MSH3: variants seen among roughly 807,000 people sequenced by gnomAD.
MSH3 encodes mutS homolog 3, also known as DNA mismatch repair protein Msh3.
Under a neutral mutation model 123.3 loss-of-function variants are expected in MSH3, and 106 were observed. The observed-to-expected ratio is 0.86, with a 90% CI of 0.73 to 1.01. The LOEUF (loss-of-function observed/expected upper bound fraction) is 1.01. Among genes scored for constraint, MSH3 ranks in the 50% least tolerant of loss-of-function variants. The probability of loss-of-function intolerance (pLI) is 0.00; values close to 1 mark genes in which losing one functional copy is unlikely to be tolerated. For missense variants in MSH3, 1,459 were observed against 1,347.6 expected, an observed-to-expected ratio of 1.08 and a Z score of -1.29; for synonymous variants, 515 against 481.4, an observed-to-expected ratio of 1.07 and a Z score of -0.91.
At chr5:80,875,449 C>T (rs1386756494) in intron 23 of MSH3, among the ~76,000 whole-genome samples, 1 of 152,200 alleles carries the variant, frequency 6.6e-6, no homozygotes, top group Non-Finnish European at 1.5e-5. Flanking sequence ...AATAAGCACA[C>T]ACCACCAGCC....
chr5:80,739,155 C>T (rs1481737525), intron 10 of MSH3, among the ~76,000 whole-genome samples: 2 of 152,214 alleles, frequency 1.3e-5, no homozygotes, highest in Non-Finnish European at 2.9e-5. Context: ...TAACTAGTCA[C>T]CCCTAGGATG....
chr5:80,808,877 A>ATATATATATATG, intron 19 of MSH3, among the ~76,000 whole-genome samples: 1 of 142,676 alleles, frequency 7.0e-6, no homozygotes, highest in Non-Finnish European at 1.5e-5. Flanking sequence ...ATATATATAT[A>ATATATATATATG]TATATACACA....
chr5:80,769,433 C>A (rs539476847), intron 15 of MSH3, among the ~76,000 whole-genome samples: 1 of 151,730 alleles, frequency 6.6e-6, no homozygotes, highest in South Asian at 2.1e-4. Context: ...AGTATAGCTG[C>A]TAAAAAAAAC....
rs1580540907 is a variant in MSH3 at position 80,656,659 on chromosome 5, A to G, written c.358+128A>G. 3.9e-6 allele frequency: 5 copies of G among 1,269,726 alleles called. No individual in the cohort carries two copies. In the East Asian group the frequency reaches 1.2e-4, roughly 31 times the overall value. 78.7% of individuals were successfully genotyped at this position (1,269,726 alleles called of 1,614,324 possible). On this transcript the variant is annotated intron_variant, in intron 2 of 23. Coordinates refer to ENST00000265081, the MANE Select transcript of MSH3 (RefSeq NM_002439.5). Reference sequence around the variant, plus strand: ...TGGAGAAAGGTCCCTTTTGTTCCTGAGCAGAGTGGCCCCCTATAGGTGATG... The same window carrying G: ...TGGAGAAAGGTCCCTTTTGTTCCTGGGCAGAGTGGCCCCCTATAGGTGATG...
chr5:80,749,687 T>C (rs926035269), intron 12 of MSH3, among the ~76,000 whole-genome samples: 29 of 152,170 alleles, frequency 1.9e-4, no homozygotes, highest in African/African-American at 6.8e-4. Flanking sequence ...AATTAATATA[T>C]CTATCACCTC....
intron 8 of MSH3, among the ~76,000 whole-genome samples, chr5:80,716,877 C>T (rs1040455186): frequency 5.9e-5 from 9 of 152,214 alleles, no homozygotes; most frequent in Admixed American, 3.3e-4. Context: ...CATTACCTCC[C>T]TCCCCAAAGC....
chr5:80,780,907 G>C (rs1037874337), intron 17 of MSH3, among the ~76,000 whole-genome samples: 2 of 151,948 alleles, frequency 1.3e-5, no homozygotes, highest in East Asian at 3.9e-4. Flanking sequence ...ATTCAGTGAC[G>C]TCCTTCAGGG....
Position 80,871,255 on chromosome 5 carries a change from A to G in MSH3, c.3131-1861A>G, listed in dbSNP as rs140011909. Among the ~76,000 whole-genome samples, 20 of 152,318 alleles carry G rather than the reference A, an allele frequency of 1.3e-4. No individual in the cohort carries two copies. The East Asian group carries it at 3.7e-3, about 28-fold the overall frequency. On this transcript the variant is annotated intron_variant, in intron 22 of 23. Transcript: ENST00000265081. Reference sequence around the variant, plus strand: ...CTTGGGGTGAGGGGGATAGACCTCTATACCTTTATTAGTTATCTCTATTAG... The same window carrying G: ...CTTGGGGTGAGGGGGATAGACCTCTGTACCTTTATTAGTTATCTCTATTAG...
chr5:80,848,329 A>G (rs887023861), intron 20 of MSH3, among the ~76,000 whole-genome samples: 1 of 152,234 alleles, frequency 6.6e-6, no homozygotes, highest in Non-Finnish European at 1.5e-5. Context: ...TTAATTTTCA[A>G]GATTTCTTGT....
chr5:80,834,009 A>G (rs12522474), intron 20 of MSH3, among the ~76,000 whole-genome samples: 24,049 of 152,212 alleles, frequency 0.16, 1,999 homozygotes, highest in East Asian at 0.24. Flanking sequence ...ATTAACAGGA[A>G]ATACGTTTAT....
chr5:80,779,288 C>A (rs555608687), intron 17 of MSH3, among the ~76,000 whole-genome samples: 3 of 151,760 alleles, frequency 2.0e-5, no homozygotes, highest in South Asian at 2.1e-4. Flanking sequence ...CCACTGCACC[C>A]AGCCCGAAAG....
In MSH3 at chr5:80,777,017, C is replaced by T. The variant is rs1045425362; in HGVS notation, c.2318+1259C>T. ...CGCAATCCCGGTCTACTGCAACCTC[C>T]GCCTCCCGGGTTCAAATGATTCTCC... On this transcript the variant is annotated intron_variant, in intron 16 of 23. Transcript: ENST00000265081. Among the ~76,000 whole-genome samples the T allele has an allele frequency of 6.0e-5, 9 of 150,740 alleles. No homozygotes were observed. The South Asian group carries it at 1.0e-3, about 17-fold the overall frequency.
intron 8 of MSH3, among the ~76,000 whole-genome samples, chr5:80,692,553 G>GTATATGTTTATAT (rs1750315677): frequency 2.7e-5 from 2 of 73,760 alleles, no homozygotes; most frequent in Non-Finnish European, 5.6e-5. Flanking sequence ...TTTATATAGA[G>GTATATGTTTATAT]AGATAAACAT....
chr5:80,796,017 A>AT (rs960972976), intron 19 of MSH3, among the ~76,000 whole-genome samples: 127 of 150,492 alleles, frequency 8.4e-4, no homozygotes, highest in Non-Finnish European at 1.2e-3. Flanking sequence ...CAACATAAGA[A>AT]TTTTTTTTTT....
chr5:80,836,566 A>AG (rs1561494110), intron 20 of MSH3, among the ~76,000 whole-genome samples: 1 of 144,818 alleles, frequency 6.9e-6, no homozygotes, highest in Non-Finnish European at 1.5e-5. Flanking sequence ...AAAAAAAAAA[A>AG]GCTCTGAATT....
intron 10 of MSH3, among the ~76,000 whole-genome samples, chr5:80,734,303 G>C (rs930702066): frequency 6.6e-6 from 1 of 152,154 alleles, no homozygotes; most frequent in Non-Finnish European, 1.5e-5. Flanking sequence ...TGGGTTGTTG[G>C]GGGGAATGGA....
intron 8 of MSH3, among the ~76,000 whole-genome samples, chr5:80,691,136 T>G (rs1254308702): frequency 6.6e-6 from 1 of 152,050 alleles, no homozygotes; most frequent in Non-Finnish European, 1.5e-5. Context: ...AGTTAATATT[T>G]AGACTACGTA....
intron 2 of MSH3, among the ~76,000 whole-genome samples, chr5:80,658,339 G>A (rs940464542): frequency 6.6e-5 from 10 of 152,278 alleles, no homozygotes; most frequent in South Asian, 2.1e-4. Flanking sequence ...GATTACAGGC[G>A]TGAGCCACTG....
In MSH3 at chr5:80,753,481, TG is replaced by T. The variant is rs1286632200; in HGVS notation, c.1764-8064del. ...AATATAACCATGAACAATTGAGGAA[TG>T]TTTTTTTGTGGTCCCTTTTATTTAT... On this transcript the variant is annotated intron_variant, in intron 12 of 23. Transcript: ENST00000265081. Among the ~76,000 whole-genome samples the T allele has an allele frequency of 4.6e-5, 7 of 152,264 alleles. No individual in the cohort carries two copies. The South Asian group carries it at 8.3e-4, about 18-fold the overall frequency.
Sources: gnomAD v4.1 joint callset for allele counts (sites outside exome capture counted in the v4.1 genomes callset) on GRCh38, gnomAD v4.1.1 for gene constraint, MANE v1.5 for transcripts, NCBI Gene and HGNC (gene_info 2026-07-23, HGNC 2026-07-21) for gene names.